ORC3: variants seen among roughly 807,000 people sequenced by gnomAD.
The protein encoded by ORC3 is origin recognition complex subunit 3.
In ORC3, 78 loss-of-function variants were observed where a neutral mutation model predicts 100.7. The ratio of observed to expected loss-of-function variants is 0.77; its 90% CI spans 0.65 to 0.94. The LOEUF (loss-of-function observed/expected upper bound fraction) is 0.94. Among genes scored for constraint, ORC3 ranks in the 40% least tolerant of loss-of-function variants. The pLI is 0.00. For missense variants in ORC3, 789 were observed against 823.9 expected (o/e 0.96, Z 0.52); for synonymous variants, 295 against 289.3 (o/e 1.02, Z -0.20).
Position 87,634,891 on chromosome 6 carries a change from A to G in ORC3, c.1232A>G (p.Asn411Ser), listed in dbSNP as rs1323548943. 2 of 1,605,502 alleles carry G rather than the reference A, an allele frequency of 1.2e-6. No homozygotes were observed. The highest frequency in any genetic ancestry group is 8.5e-7 in the Non-Finnish European group (1 of 1,172,496). Residue 411 changes from asparagine (N) to serine (S), a missense_variant, in exon 12 of 20, where the codon AAT (asparagine) becomes AGT (serine). This residue lies in a region of ORC3 where 366 missense variants were observed against 394.2 expected (regional missense o/e 0.93). Transcript: ENST00000392844. The stretch of plus-strand genomic sequence containing the variant: ...GAAAACCTGCATGTTTATCATATGA[A>G]TTACTTCCTGGTTTTGAGATGTCTT... The part of the protein sequence containing the change: ...LLENLHVYHM[N>S]YFLVLRCLHK...
Position 87,667,131 on chromosome 6 carries a change from A to G in ORC3, c.*8A>G. 6.6e-7 allele frequency: 1 copy of G among 1,513,336 alleles called. No individual in the cohort carries two copies. Among genetic ancestry groups the G allele is most frequent in the Non-Finnish European group, 9.1e-7 (1 of 1,094,802 alleles). The allele number at this position is 1,513,336 out of a possible 1,614,324, so 93.7% of individuals were successfully genotyped here. ...ACATGGGGAGGCTGCTAGAAAGCAA[A>G]TAAGCAAAGCCAGAACTATCACATT... On this transcript the variant is annotated 3_prime_UTR_variant, in exon 20 of 20. Transcript: ENST00000392844.
chr6:87,619,637 C>T (rs2128262941), intron 9 of ORC3, among the ~76,000 whole-genome samples: 1 of 152,310 alleles, frequency 6.6e-6, no homozygotes. Flanking sequence ...AACTTCTGAC[C>T]TCCGGTGATC....
chr6:87,676,607 A>ACGCG, the ORC3 span, among the ~76,000 whole-genome samples: 16 of 74,352 alleles, frequency 2.2e-4, no homozygotes, highest in African/African-American at 7.3e-4. Flanking sequence ...ACACACACAC[A>ACGCG]CACACACACA....
intron 7 of ORC3, among the ~76,000 whole-genome samples, chr6:87,611,159 A>G (rs1778737768): frequency 6.7e-6 from 1 of 148,200 alleles, no homozygotes; most frequent in African/African-American, 2.5e-5. Context: ...CTGGTCTCAA[A>G]CTCTTGGCCT....
At chr6:87,674,066 CGAG>C in the ORC3 span, among the ~76,000 whole-genome samples, 1 of 151,934 alleles carries the variant, frequency 6.6e-6, no homozygotes, top group Non-Finnish European at 1.5e-5. Flanking sequence ...TTTGGAAGGC[CGAG>C]GTGGGCAGAT....
At chr6:87,612,754 T>G (rs1778873255) in intron 8 of ORC3, among the ~76,000 whole-genome samples, 1 of 152,126 alleles carries the variant, frequency 6.6e-6, no homozygotes, top group South Asian at 2.1e-4. Flanking sequence ...TGGGACTTCA[T>G]GAGGTGTGCC....
intron 11 of ORC3, among the ~76,000 whole-genome samples, chr6:87,632,916 G>C (rs1767534711): frequency 6.6e-6 from 1 of 152,102 alleles, no homozygotes; most frequent in African/African-American, 2.4e-5. Flanking sequence ...ACTCAGCACA[G>C]GGATGCACCA....
intron 5 of ORC3, among the ~76,000 whole-genome samples, chr6:87,607,036 T>C (rs1003974758): frequency 2.6e-5 from 4 of 152,248 alleles, no homozygotes; most frequent in Admixed American, 6.5e-5. Context: ...CTTAGGGAAC[T>C]TGAAAACTGT....
intron 2 of ORC3, among the ~76,000 whole-genome samples, chr6:87,600,382 G>A (rs774644302): frequency 6.6e-6 from 1 of 152,166 alleles, no homozygotes; most frequent in Non-Finnish European, 1.5e-5. Flanking sequence ...ACATATTAAA[G>A]ATGGGATTTT....
chr6:87,640,260 A>G (rs1416595258), intron 13 of ORC3, among the ~76,000 whole-genome samples: 1 of 152,222 alleles, frequency 6.6e-6, no homozygotes, highest in African/African-American at 2.4e-5. Flanking sequence ...CATTTAAAAC[A>G]TATTTACAGT....
intron 1 of ORC3, among the ~76,000 whole-genome samples, chr6:87,591,654 T>C (rs1474718752): frequency 6.6e-6 from 1 of 152,246 alleles, no homozygotes; most frequent in Admixed American, 6.5e-5. Flanking sequence ...AATGTCTGTA[T>C]TGGGATGAGA....
At chr6:87,662,172 C>T (rs1770234058) in intron 16 of ORC3, among the ~76,000 whole-genome samples, 1 of 152,140 alleles carries the variant, frequency 6.6e-6, no homozygotes, top group Non-Finnish European at 1.5e-5. Context: ...CACCTGTAAT[C>T]CCAGCACTTT....
intron 13 of ORC3, among the ~76,000 whole-genome samples, chr6:87,638,441 A>G (rs1767984938): frequency 6.6e-6 from 1 of 152,174 alleles, no homozygotes; most frequent in Non-Finnish European, 1.5e-5. Context: ...GACTAAAATG[A>G]CCCCTGAATG....
intron 8 of ORC3, among the ~76,000 whole-genome samples, chr6:87,613,223 C>T (rs541342306): frequency 1.3e-5 from 2 of 152,302 alleles, no homozygotes; most frequent in East Asian, 3.9e-4. Flanking sequence ...CAAGTCACAT[C>T]TTACATAGAT....
intron 13 of ORC3, among the ~76,000 whole-genome samples, chr6:87,640,439 C>T (rs777268759): frequency 1.3e-5 from 2 of 152,180 alleles, no homozygotes; most frequent in Non-Finnish European, 2.9e-5. Context: ...GACATGAGCT[C>T]AGTGGTTCTG....
chr6:87,618,416 C>A (rs199514807), intron 9 of ORC3, among the ~76,000 whole-genome samples: 209 of 140,490 alleles, frequency 1.5e-3, no homozygotes, highest in Admixed American at 1.5e-3. Context: ...GGCTCCATCT[C>A]AAAAAAAAAA....
chr6:87,631,706 T>A (rs1767433937), intron 11 of ORC3, among the ~76,000 whole-genome samples: 1 of 151,636 alleles, frequency 6.6e-6, no homozygotes, highest in Non-Finnish European at 1.5e-5. Flanking sequence ...TTGGCTAGGC[T>A]GGTCTTGAAC....
At chr6:87,627,167 T>G (rs1779971716) in intron 11 of ORC3, among the ~76,000 whole-genome samples, 2 of 150,660 alleles carry the variant, frequency 1.3e-5, no homozygotes, top group African/African-American at 4.9e-5. Context: ...CCGGCTAATT[T>G]TTTGTATTTT....
chr6:87,625,404 G>A (rs930669883), intron 11 of ORC3, among the ~76,000 whole-genome samples: 1 of 152,108 alleles, frequency 6.6e-6, no homozygotes, highest in Non-Finnish European at 1.5e-5. Flanking sequence ...GGTGTGAGAT[G>A]GTATCTCATT....
Sources: allele counts gnomAD v4.1 joint callset (sites outside exome capture counted in the v4.1 genomes callset), GRCh38; gene constraint gnomAD v4.1.1; regional missense constraint gnomAD v4.1.1; transcripts MANE v1.5; gene names NCBI Gene and HGNC (gene_info 2026-07-23, HGNC 2026-07-21).